ERP44: variants seen among roughly 807,000 people sequenced by gnomAD.
ERP44 encodes endoplasmic reticulum resident protein 44.
ERP44 carries 25 observed loss-of-function variants against 53.4 expected under a neutral mutation model. The ratio of observed to expected loss-of-function variants is 0.47; its 90% CI spans 0.34 to 0.65. The LOEUF (loss-of-function observed/expected upper bound fraction) is 0.65. ERP44 is among the 30% of genes least tolerant of loss of function. ERP44 has a pLI of 0.01. For synonymous variants in ERP44, 145 were observed against 161.2 expected, an observed-to-expected ratio of 0.90 and a Z score of 0.76; for missense variants, 338 against 493.2, an observed-to-expected ratio of 0.69 and a Z score of 2.98.
intron 1 of ERP44, among the ~76,000 whole-genome samples, chr9:100,084,011 G>C (rs1171341536): frequency 1.3e-5 from 2 of 152,144 alleles, no homozygotes; most frequent in Non-Finnish European, 2.9e-5. Flanking sequence ...CGGACAGACA[G>C]ATGGAACTAC....
chr9:99,982,803 C>T (rs1830161714), intron 11 of ERP44, 90 bp from the exon 12 acceptor site: 2 of 617,938 alleles, frequency 3.2e-6, no homozygotes, highest in Admixed American at 3.8e-5. Flanking sequence ...TAGTAGTTCC[C>T]CTATAATTAT....
At chr9:100,023,282 G>A (rs1352368878) in intron 4 of ERP44, among the ~76,000 whole-genome samples, 1 of 151,480 alleles carries the variant, frequency 6.6e-6, no homozygotes, top group East Asian at 1.9e-4. Flanking sequence ...AGAAATGAGA[G>A]AGTGGTACCA....
chr9:100,038,051 CACAA>C (rs1825862117), intron 4 of ERP44, among the ~76,000 whole-genome samples: 1 of 152,040 alleles, frequency 6.6e-6, no homozygotes, highest in African/African-American at 2.4e-5. Flanking sequence ...GACTTTCCCA[CACAA>C]ACAAAACCTG....
intron 5 of ERP44, among the ~76,000 whole-genome samples, chr9:100,021,510 C>A (rs1009729054): frequency 2.6e-5 from 4 of 152,310 alleles, no homozygotes; most frequent in Middle Eastern, 3.4e-3. Context: ...AGGGTAAAGT[C>A]AAATCTCAAA....
rs549021524 is a variant in ERP44 at position 99,981,860 on chromosome 9, T to C, written c.*752A>G. 2 of 152,310 alleles carry C rather than the reference T, an allele frequency of 1.3e-5. No individual in the cohort carries two copies. The highest frequency in any genetic ancestry group is 6.5e-5 in the Admixed American group (1 of 15,302). 9.4% of individuals were successfully genotyped at this position (152,310 alleles called of 1,614,324 possible). ...TTAAAAGTCATCTAGTTCTGATTGG[T>C]AGCCTGTTCCACTGTCACCTCCCTG... is the stretch of plus-strand genomic sequence containing the variant. On this transcript the variant is annotated 3_prime_UTR_variant, in exon 12 of 12. Coordinates refer to ENST00000262455, the MANE Select transcript of ERP44 (RefSeq NM_015051.3).
chr9:100,015,540 A>G (rs900362903), intron 8 of ERP44, among the ~76,000 whole-genome samples: 23 of 152,250 alleles, frequency 1.5e-4, no homozygotes, highest in Non-Finnish European at 1.5e-5. Flanking sequence ...TCGGTTACCT[A>G]TCACTGCTAC....
chr9:100,025,730 A>G (rs1830643920), intron 4 of ERP44, among the ~76,000 whole-genome samples: 1 of 152,160 alleles, frequency 6.6e-6, no homozygotes, highest in Admixed American at 6.5e-5. Flanking sequence ...CAAAAAAGAA[A>G]AAAGATGCCT....
In ERP44 at chr9:100,025,034, G is replaced by A. The variant is rs564841463; in HGVS notation, c.287-2808C>T. Among the ~76,000 whole-genome samples the A allele has an allele frequency of 3.3e-5, 5 of 152,292 alleles. No individual in the cohort carries two copies. The South Asian group carries it at 8.3e-4, about 25-fold the overall frequency. On this transcript the variant is annotated intron_variant, in intron 4 of 11. Coordinates refer to ENST00000262455, the MANE Select transcript of ERP44 (RefSeq NM_015051.3). ...CCCCGGCTATGGTAAGATTGAGGCA[G>A]GAGGTTTGCTCGAGCCCAGGAGTTC...
At chr9:99,995,062 G>A (rs1380737029) in intron 10 of ERP44, among the ~76,000 whole-genome samples, 1 of 151,228 alleles carries the variant, frequency 6.6e-6, no homozygotes, top group African/African-American at 2.4e-5. Flanking sequence ...CACATGTTTT[G>A]TTTGATTTAT....
chr9:100,066,348 TCTG>T, intron 1 of ERP44, among the ~76,000 whole-genome samples: 1 of 152,294 alleles, frequency 6.6e-6, no homozygotes, highest in South Asian at 2.1e-4. Context: ...TATACTGTCT[TCTG>T]CTCAAAAAAA....
chr9:100,049,580 T>C (rs2086554765), intron 4 of ERP44, among the ~76,000 whole-genome samples: 1 of 152,120 alleles, frequency 6.6e-6, no homozygotes, highest in Non-Finnish European at 1.5e-5. Flanking sequence ...TCACACATAT[T>C]GGAATATGTA....
chr9:99,998,977 A>C, intron 10 of ERP44: 9 of 1,412,102 alleles, frequency 6.4e-6, no homozygotes, highest in South Asian at 1.2e-5. Flanking sequence ...TCTGGATCTC[A>C]GGTCGGCGGC....
At chr9:100,025,789 A>T (rs1830644552) in intron 4 of ERP44, among the ~76,000 whole-genome samples, 1 of 152,156 alleles carries the variant, frequency 6.6e-6, no homozygotes, top group African/African-American at 2.4e-5. Context: ...TCAAAATAAT[A>T]ATAATAATAA....
chr9:100,058,177 G>A (rs1429619701), intron 2 of ERP44, among the ~76,000 whole-genome samples: 1 of 152,080 alleles, frequency 6.6e-6, no homozygotes, highest in Admixed American at 6.6e-5. Context: ...CTGGGTTGAC[G>A]TGATCCTCCC....
At chr9:99,990,921 GC>G (rs1247948721) in intron 10 of ERP44, among the ~76,000 whole-genome samples, 2 of 152,102 alleles carry the variant, frequency 1.3e-5, no homozygotes, top group Non-Finnish European at 2.9e-5. Context: ...GACAAAGAAG[GC>G]CATTACATAA....
chr9:100,052,600 GC>G, intron 3 of ERP44, 68 bp from the exon 4 acceptor site: 2 of 755,508 alleles, frequency 2.6e-6, no homozygotes, highest in South Asian at 3.5e-5. Context: ...TTCCGTTATT[GC>G]CCACTGACAT....
chr9:99,994,243 G>C (rs1333806435), intron 10 of ERP44, among the ~76,000 whole-genome samples: 3 of 152,154 alleles, frequency 2.0e-5, no homozygotes, highest in Non-Finnish European at 4.4e-5. Context: ...CAAAGACTTG[G>C]AACCAAACAA....
intron 4 of ERP44, among the ~76,000 whole-genome samples, chr9:100,042,477 A>G (rs1348038910): frequency 2.6e-5 from 4 of 152,222 alleles, no homozygotes; most frequent in African/African-American, 9.6e-5. Context: ...TATTAGTACA[A>G]TCGCTATGGA....
At chr9:100,056,714 A>C (rs1826091279) in intron 3 of ERP44, among the ~76,000 whole-genome samples, 1 of 152,208 alleles carries the variant, frequency 6.6e-6, no homozygotes, top group African/African-American at 2.4e-5. Context: ...AGAATGATCC[A>C]TCCAGGCAGG....
Sources: allele counts gnomAD v4.1 joint callset (sites outside exome capture counted in the v4.1 genomes callset), GRCh38; gene constraint gnomAD v4.1.1; transcripts MANE v1.5; gene names NCBI Gene and HGNC (gene_info 2026-07-23, HGNC 2026-07-21).